SLC44A4: variants seen among roughly 807,000 people sequenced by gnomAD.
SLC44A4 encodes choline transporter-like protein 4.
SLC44A4 carries 74 observed loss-of-function variants against 97.0 expected under a neutral mutation model. The ratio of observed to expected loss-of-function variants is 0.76; its 90% CI spans 0.63 to 0.93. The LOEUF is 0.93. SLC44A4 is among the 40% of genes least tolerant of loss of function. The pLI is 0.00. For missense variants in SLC44A4, 799 were observed against 902.9 expected, an observed-to-expected ratio of 0.88 and a Z score of 1.48; for synonymous variants, 325 against 363.8, an observed-to-expected ratio of 0.89 and a Z score of 1.21.
intron 12 of SLC44A4, 131 bp from the exon 13 acceptor site, chr6:31,869,388 C>A (rs1763028553): frequency 2.1e-6 from 2 of 942,894 alleles, no homozygotes; most frequent in Admixed American, 4.5e-5. Context: ...CCTGTGTGCA[C>A]CCTTTCAACT....
chr6:31,876,225 C>A lies in SLC44A4; in HGVS notation c.90-96G>T. 1.2e-6 allele frequency: 1 copy of A among 864,622 alleles called. No homozygotes were observed. The allele number at this position is 864,622 out of a possible 1,614,324, so 53.6% of individuals were successfully genotyped here. On this transcript the variant is annotated intron_variant, in intron 2 of 20. Coordinates refer to ENST00000229729, the MANE Select transcript of SLC44A4 (RefSeq NM_025257.3). This position sits in a 1 kb window ranked among gnomAD's most constrained non-coding sequence, Gnocchi z 4.8. ...TTAAGGGTTAGAGAGTTGGGTGATG[C>A]TGCAGCATGGGCATCAGTAGGCTTT... is the stretch of plus-strand genomic sequence containing the variant.
chr6:31,866,860 C>T (rs1364400207), intron 13 of SLC44A4, among the ~76,000 whole-genome samples: 1 of 150,724 alleles, frequency 6.6e-6, no homozygotes, highest in African/African-American at 2.4e-5. Context: ...CGCCACTGCA[C>T]TCCAGCCTGG....
chr6:31,864,467 G>A (rs1762724802), intron 20 of SLC44A4, 185 bp downstream of exon 20: 3 of 616,278 alleles, frequency 4.9e-6, no homozygotes, highest in African/African-American at 1.9e-5. Flanking sequence ...CTACCGGCCT[G>A]GGGGCTCACT....
At chr6:31,871,995 T>C (rs1310706395) in intron 7 of SLC44A4, among the ~76,000 whole-genome samples, 1 of 152,066 alleles carries the variant, frequency 6.6e-6, no homozygotes, top group East Asian at 1.9e-4. Flanking sequence ...CCAGCCCATG[T>C]TCCCTTCTAC....
chr6:31,863,664 T>C lies in SLC44A4; in HGVS notation c.2096A>G (p.Asn699Ser), dbSNP rs1019126381. The C allele has an allele frequency of 6.2e-7, 1 of 1,612,412 alleles. No individual in the cohort carries two copies. The highest frequency in any genetic ancestry group is 8.5e-7 in the Non-Finnish European group (1 of 1,179,794). The change falls in exon 21 of 21, where the codon AAC (asparagine) becomes AGC (serine). Residue 699 changes from asparagine to serine, a missense_variant. By Grantham distance (46) the Asn-to-Ser change is conservative (BLOSUM62 1). Coordinates refer to ENST00000229729, the MANE Select transcript of SLC44A4 (RefSeq NM_025257.3). ...KSLLKILGKK[N>S]EAPPDNKKRK... Reference sequence around the variant, plus strand: ...CTTCTTGTTGTCCGGGGGCGCCTCGTTCTTCTTGCCCAGAATCTTTAGAAG... The same window carrying C: ...CTTCTTGTTGTCCGGGGGCGCCTCGCTCTTCTTGCCCAGAATCTTTAGAAG...
intron 13 of SLC44A4, among the ~76,000 whole-genome samples, chr6:31,867,081 C>CA (rs1378385200): frequency 6.6e-6 from 1 of 151,372 alleles, no homozygotes; most frequent in South Asian, 2.1e-4. Context: ...CAAATATAAC[C>CA]AAAAAAATTT....
In SLC44A4 at chr6:31,876,152, G is replaced by A. The variant is rs1267479147; in HGVS notation, c.90-23C>T. The A allele has an allele frequency of 6.2e-7, 1 of 1,601,754 alleles. No individual in the cohort carries two copies. The highest frequency in any genetic ancestry group is 1.1e-5 in the South Asian group (1 of 89,510). ...CTTCTGAGAGAGAAACGAAACGGGA[G>A]GCTGAGCTAAGGAGACTTGGGGAGG... On this transcript the variant is annotated intron_variant, in intron 2 of 20. Coordinates refer to ENST00000229729, the MANE Select transcript of SLC44A4 (RefSeq NM_025257.3). The surrounding 1 kb of genome is among the most constrained non-coding windows in gnomAD (Gnocchi z 4.8).
intron 18 of SLC44A4, 31 bp downstream of exon 18, chr6:31,864,979 C>A: frequency 6.2e-7 from 1 of 1,614,028 alleles, no homozygotes; most frequent in South Asian, 1.1e-5. Flanking sequence ...AGCACCCCTA[C>A]CCTCTGTCCC....
At position 31,874,962 on chromosome 6, in the gene SLC44A4, A is replaced by C. The variant is rs149105326; in HGVS notation, c.309T>G (p.Val103=). ...SCILSSNIIS[V]AENGLQCPTP... ...TGGGGCACTGTAGGCCGTTCTCAGCAACTGAGATGATGTTGCTGGACAGGA... is the reference window on the plus strand; with the variant it reads ...TGGGGCACTGTAGGCCGTTCTCAGCCACTGAGATGATGTTGCTGGACAGGA... Residue 103 remains valine, a synonymous_variant, in exon 5 of 21, where the codon GTT becomes GTG. Transcript: ENST00000229729. The surrounding 1 kb of genome is among the most constrained non-coding windows in gnomAD (Gnocchi z 4.8). 3.0e-5 allele frequency: 48 copies of C among 1,613,646 alleles called. No homozygotes were observed. In the African/African-American group the frequency reaches 6.1e-4, roughly 21 times the overall value.
Position 31,877,093 on chromosome 6 carries a change from T to C in SLC44A4, c.41-11A>G, listed in dbSNP as rs1319469603. Reference sequence around the variant, plus strand: ...ATTTGACTGGCTTCCCTGAGGGACATGAGAAGAGGTGTGGAGGATGAGTCT... The same window carrying C: ...ATTTGACTGGCTTCCCTGAGGGACACGAGAAGAGGTGTGGAGGATGAGTCT... On this transcript the variant is annotated splice_polypyrimidine_tract_variant and intron_variant, in intron 1 of 20. Coordinates refer to ENST00000229729, the MANE Select transcript of SLC44A4 (RefSeq NM_025257.3). This position sits in a 1 kb window ranked among gnomAD's most constrained non-coding sequence, Gnocchi z 6.5. 1.2e-5 allele frequency: 20 copies of C among 1,608,460 alleles called. No homozygotes were observed. Among genetic ancestry groups the C allele is most frequent in the Non-Finnish European group, 1.7e-5 (20 of 1,178,514 alleles).
At chr6:31,872,312 T>G (rs1562453019) in intron 7 of SLC44A4, among the ~76,000 whole-genome samples, 1 of 152,224 alleles carries the variant, frequency 6.6e-6, no homozygotes, top group African/African-American at 2.4e-5. Flanking sequence ...CATAGCTTAC[T>G]GCAACATTGA....
In SLC44A4 at chr6:31,865,230, C is replaced by T. The variant is rs1425838825; in HGVS notation, c.1760+85G>A. On this transcript the variant is annotated intron_variant, in intron 17 of 20. Transcript: ENST00000229729. The surrounding 1 kb of genome is among the most constrained non-coding windows in gnomAD (Gnocchi z 5.2). Reference sequence around the variant, plus strand: ...AGAGCACTAAACTAAGTCTAGGGCCCGACTGAGCACAGCACACCCACGAAG... The same window carrying T: ...AGAGCACTAAACTAAGTCTAGGGCCTGACTGAGCACAGCACACCCACGAAG... The T allele has an allele frequency of 1.3e-6, 2 of 1,558,892 alleles. No individual in the cohort carries two copies. The highest frequency in any genetic ancestry group is 1.8e-6 in the Non-Finnish European group (2 of 1,130,238).
Position 31,865,264 on chromosome 6 carries a change from G to A in SLC44A4, c.1760+51C>T. Reference sequence around the variant, plus strand: ...ACAGCACACCCACGAAGCCAGCCTTGGGTGGGAGATCAGAGGAGGGAGCCA... The same window carrying A: ...ACAGCACACCCACGAAGCCAGCCTTAGGTGGGAGATCAGAGGAGGGAGCCA... On this transcript the variant is annotated intron_variant, in intron 17 of 20. Transcript: ENST00000229729. This position sits in a 1 kb window ranked among gnomAD's most constrained non-coding sequence, Gnocchi z 5.2. 1 of 1,603,794 alleles carries A rather than the reference G, an allele frequency of 6.2e-7. No homozygotes were observed. Among genetic ancestry groups the A allele is most frequent in the Non-Finnish European group, 8.5e-7 (1 of 1,170,800 alleles).
At chr6:31,867,387 G>C (rs693906) in intron 13 of SLC44A4, among the ~76,000 whole-genome samples, 20,311 of 151,504 alleles carry the variant, frequency 0.13, 1,486 homozygotes, top group African/African-American at 0.17. Flanking sequence ...GCCACTGCGC[G>C]CGGCCTTCTG....
intron 10 of SLC44A4, 35 bp downstream of exon 10, chr6:31,870,777 G>A: frequency 6.2e-7 from 1 of 1,612,314 alleles, no homozygotes; most frequent in Non-Finnish European, 8.5e-7. Flanking sequence ...CGGTCCTTGG[G>A]CAGCTGGTGG....
At chr6:31,868,523 C>A (rs1182775800) in intron 13 of SLC44A4, among the ~76,000 whole-genome samples, 17 of 152,166 alleles carry the variant, frequency 1.1e-4, no homozygotes, top group Non-Finnish European at 1.5e-5. Context: ...CTCCTATAAT[C>A]CCAGTACTTT....
chr6:31,871,095 C>A (rs188169885), intron 9 of SLC44A4, 48 bp from the exon 10 acceptor site: 38 of 1,534,820 alleles, frequency 2.5e-5, no homozygotes, highest in Admixed American at 3.8e-5. Context: ...CCCCTCAAAT[C>A]TTTCCCCTTA....
Position 31,866,098 on chromosome 6 carries a change from C to T in SLC44A4, c.1262G>A (p.Gly421Glu). 2 of 1,614,052 alleles carry T rather than the reference C, an allele frequency of 1.2e-6. No homozygotes were observed. Among genetic ancestry groups the T allele is most frequent in the African/African-American group, 2.7e-5 (2 of 75,024 alleles). The change falls in exon 14 of 21, where the codon GGG becomes GAG. Residue 421 changes from glycine (G) to glutamate (E), a missense_variant. Coordinates refer to ENST00000229729, the MANE Select transcript of SLC44A4 (RefSeq NM_025257.3). ...GTAGCCCTGGAAGACGCACATCAGC[C>T]CTGGGCACGAGGAGTTCACAAGGTG... Reference protein sequence around the residue: ...TAHLVNSSCPGLMCVFQGYSS... With the variant: ...TAHLVNSSCPELMCVFQGYSS...
rs977143069 is a variant in SLC44A4, at chr6:31,865,185, C to T, written c.1761-105G>A. The T allele has an allele frequency of 4.1e-5, 63 of 1,535,168 alleles. No individual in the cohort carries two copies. In the African/African-American group the frequency reaches 4.6e-4, roughly 11 times the overall value. The stretch of plus-strand genomic sequence containing the variant: ...ACTGGTGCAAAATGAAAATTGTTCA[C>T]GTTTCAAGATGGCAAGAGCAGAGCA... On this transcript the variant is annotated intron_variant, in intron 17 of 20. Coordinates refer to ENST00000229729, the MANE Select transcript of SLC44A4 (RefSeq NM_025257.3). The surrounding 1 kb of genome is among the most constrained non-coding windows in gnomAD (Gnocchi z 5.2).
Sources: allele counts gnomAD v4.1 joint callset (sites outside exome capture counted in the v4.1 genomes callset), GRCh38; gene constraint gnomAD v4.1.1; non-coding constraint Gnocchi (gnomAD v3.1); transcripts MANE v1.5; gene names NCBI Gene and HGNC (gene_info 2026-07-23, HGNC 2026-07-21).